Variants in SOX6 observed in about 807,000 individuals in gnomAD.
SOX6 encodes the protein SRY-box transcription factor 6.
Under a neutral mutation model 97.8 loss-of-function variants are expected in SOX6, and 11 were observed. That is an observed-to-expected ratio of 0.11 (90% CI 0.07 to 0.19). The LOEUF (loss-of-function observed/expected upper bound fraction) is 0.19. Ranked by LOEUF, SOX6 falls within the 10% of genes least tolerant of loss-of-function variation. SOX6 has a pLI of 1.00. For missense variants in SOX6, 810 were observed against 1,039.5 expected (o/e 0.78, Z 3.04); for synonymous variants, 360 against 371.4 (o/e 0.97, Z 0.35).
intron 1 of SOX6, among the ~76,000 whole-genome samples, chr11:16,403,821 C>A (rs1858621036): frequency 6.6e-6 from 1 of 151,322 alleles, no homozygotes; most frequent in Non-Finnish European, 1.5e-5. Flanking sequence ...TTTTTCCTTT[C>A]CCACTTTTGA....
chr11:16,339,781 C>T (rs766373026), intron 2 of SOX6, among the ~76,000 whole-genome samples: 2 of 151,988 alleles, frequency 1.3e-5, no homozygotes, highest in Admixed American at 6.6e-5. Flanking sequence ...AATGAAACAT[C>T]GCTCCATTAT....
chr11:16,668,005 T>C (rs925219240), intron 3 of SOX6, among the ~76,000 whole-genome samples: 3 of 152,250 alleles, frequency 2.0e-5, no homozygotes, highest in African/African-American at 4.8e-5. Flanking sequence ...TGCTTGTTTA[T>C]GCAATCAGTG....
chr11:16,362,539 C>G (rs1247976054), intron 1 of SOX6, among the ~76,000 whole-genome samples: 1 of 151,900 alleles, frequency 6.6e-6, no homozygotes, highest in Non-Finnish European at 1.5e-5. Flanking sequence ...GCAATTTTCC[C>G]TTATAGAACA....
intron 9 of SOX6, among the ~76,000 whole-genome samples, chr11:16,072,775 A>G (rs1031307699): frequency 1.3e-5 from 2 of 152,180 alleles, no homozygotes; most frequent in African/African-American, 2.4e-5. Flanking sequence ...AAGCCATAAG[A>G]GATTGGGGGC....
At chr11:16,256,166 T>C (rs973526202) in intron 3 of SOX6, among the ~76,000 whole-genome samples, 2 of 152,030 alleles carry the variant, frequency 1.3e-5, no homozygotes, top group East Asian at 1.9e-4. Context: ...TTTCAGAAGA[T>C]AGAAGCAAAG....
chr11:16,088,789 G>A (rs1175265073), intron 9 of SOX6, among the ~76,000 whole-genome samples: 1 of 152,154 alleles, frequency 6.6e-6, no homozygotes. Flanking sequence ...GGAATTTGTA[G>A]GGTGACAGCA....
At chr11:16,327,346 C>T (rs1468909082) in intron 2 of SOX6, among the ~76,000 whole-genome samples, 1 of 152,072 alleles carries the variant, frequency 6.6e-6, no homozygotes, top group African/African-American at 2.4e-5. Flanking sequence ...GTCCAATTGC[C>T]CTTTTTTTCT....
At chr11:16,496,782 C>A (rs955723398) in intron 4 of SOX6, among the ~76,000 whole-genome samples, 3 of 152,178 alleles carry the variant, frequency 2.0e-5, no homozygotes, top group Non-Finnish European at 4.4e-5. Flanking sequence ...GGGGCACACA[C>A]CACTGCTGAG....
intron 1 of SOX6, among the ~76,000 whole-genome samples, 145 bp downstream of exon 1, chr11:16,355,949 A>T (rs1361283029): frequency 6.6e-6 from 1 of 152,130 alleles, no homozygotes; most frequent in Admixed American, 6.6e-5. Context: ...ATGCTTTTCA[A>T]GTTATTACCT....
chr11:16,324,136 A>T (rs1228758821), intron 2 of SOX6, among the ~76,000 whole-genome samples: 1 of 152,068 alleles, frequency 6.6e-6, no homozygotes, highest in Non-Finnish European at 1.5e-5. Context: ...GTAAGCCATG[A>T]TTGCTCCACT....
intron 4 of SOX6, among the ~76,000 whole-genome samples, chr11:16,599,829 T>A (rs1263671201): frequency 1.3e-5 from 2 of 152,158 alleles, no homozygotes; most frequent in East Asian, 3.8e-4. Context: ...AAATGAAAGT[T>A]TTTTTGAGTG....
chr11:16,320,603 G>A (rs1258227890), intron 2 of SOX6, among the ~76,000 whole-genome samples: 2 of 152,052 alleles, frequency 1.3e-5, no homozygotes, highest in African/African-American at 4.8e-5. Context: ...TTGAAGGAAG[G>A]AACAGATTTG....
intron 13 of SOX6, among the ~76,000 whole-genome samples, chr11:16,014,430 A>C (rs1854822296): frequency 6.6e-6 from 1 of 152,060 alleles, no homozygotes; most frequent in African/African-American, 2.4e-5. Context: ...AATCCCCAAA[A>C]TGGTTTGATT....
At chr11:16,508,105 C>T (rs1412244851) in intron 4 of SOX6, among the ~76,000 whole-genome samples, 1 of 151,894 alleles carries the variant, frequency 6.6e-6, no homozygotes, top group Non-Finnish European at 1.5e-5. Context: ...AATAAATTCT[C>T]AAAAGAAAAC....
At chr11:16,576,501 T>C (rs893656941) in intron 4 of SOX6, among the ~76,000 whole-genome samples, 2 of 152,310 alleles carry the variant, frequency 1.3e-5, no homozygotes, top group South Asian at 4.1e-4. Flanking sequence ...TATCATAAAA[T>C]AATGTTGTCA....
chr11:15,980,519 G>T lies in SOX6; in HGVS notation c.2183+5685C>A, dbSNP rs1853624519. 2.6e-5 allele frequency among the ~76,000 whole-genome samples: 4 copies of T among 152,146 alleles called. No homozygotes were observed. The South Asian group carries it at 6.2e-4, about 24-fold the overall frequency. ...AAAAAAACCACACTAACTGTGCATAGCTAATTACAGTTGAAGAAACCTGGC... is the reference window on the plus strand; with the variant it reads ...AAAAAAACCACACTAACTGTGCATATCTAATTACAGTTGAAGAAACCTGGC... On this transcript the variant is annotated intron_variant, in intron 15 of 15. Coordinates refer to ENST00000683767, the MANE Select transcript of SOX6 (RefSeq NM_001367873.1).
chr11:16,348,436 A>G (rs953979864), intron 1 of SOX6, among the ~76,000 whole-genome samples: 1 of 152,188 alleles, frequency 6.6e-6, no homozygotes, highest in African/African-American at 2.4e-5. Context: ...TTTTCAACAG[A>G]GGAAACACAT....
intron 4 of SOX6, among the ~76,000 whole-genome samples, chr11:16,500,989 C>T (rs1860697675): frequency 1.3e-5 from 2 of 152,116 alleles, no homozygotes; most frequent in African/African-American, 4.8e-5. Flanking sequence ...CAAAAAAGAG[C>T]CCACATTGCC....
At chr11:16,183,802 G>T in intron 6 of SOX6, 84 bp downstream of exon 6, 1 of 1,205,392 alleles carries the variant, frequency 8.3e-7, no homozygotes, top group Non-Finnish European at 1.2e-6. Flanking sequence ...ATAAGACAGG[G>T]GTACATCTGC....
Sources: gnomAD v4.1 joint callset for allele counts (sites outside exome capture counted in the v4.1 genomes callset) on GRCh38, gnomAD v4.1.1 for gene constraint, MANE v1.5 for transcripts, NCBI Gene and HGNC (gene_info 2026-07-23, HGNC 2026-07-21) for gene names.